CNTNAP3: variants seen among roughly 807,000 people sequenced by gnomAD.
The protein encoded by CNTNAP3 is contactin associated protein family member 3, also known as contactin-associated protein-like 3.
In CNTNAP3, 36 loss-of-function variants were observed where a neutral mutation model predicts 92.1. The observed-to-expected ratio is 0.39, with a 90% CI of 0.30 to 0.52. The LOEUF (loss-of-function observed/expected upper bound fraction) is 0.52, where lower values mean the gene tolerates loss of function less well. Among genes scored for constraint, CNTNAP3 ranks in the 20% least tolerant of loss-of-function variants. The pLI, the probability that CNTNAP3 is intolerant of heterozygous loss-of-function variation, is 0.76. For synonymous variants in CNTNAP3, 232 were observed against 422.3 expected, an observed-to-expected ratio of 0.55 and a Z score of 5.53; for missense variants, 534 against 1,069.6, an observed-to-expected ratio of 0.50 and a Z score of 6.98.
chr9:39,132,190 T>G (rs914215507), intron 13 of CNTNAP3, among the ~76,000 whole-genome samples: 2 of 152,230 alleles, frequency 1.3e-5, no homozygotes, highest in African/African-American at 2.4e-5. Flanking sequence ...TTTCAGTATT[T>G]AACTATAATT....
chr9:39,120,851 A>G (rs1453438979), intron 13 of CNTNAP3, among the ~76,000 whole-genome samples: 1 of 152,198 alleles, frequency 6.6e-6, no homozygotes, highest in African/African-American at 2.4e-5. Context: ...GATAAATGTA[A>G]TAGACTATCC....
intron 9 of CNTNAP3, among the ~76,000 whole-genome samples, chr9:39,157,569 A>G (rs1168735085): frequency 2.1e-5 from 2 of 93,466 alleles, no homozygotes; most frequent in Non-Finnish European, 4.7e-5. Context: ...GATGGTCTCA[A>G]TCTCTTGACC....
At chr9:39,098,382 C>A in intron 18 of CNTNAP3, among the ~76,000 whole-genome samples, 1 of 151,762 alleles carries the variant, frequency 6.6e-6, no homozygotes. Flanking sequence ...TCCACTCTTT[C>A]CATTTCCATA....
At chr9:39,128,100 C>A (rs2315715) in intron 13 of CNTNAP3, among the ~76,000 whole-genome samples, 194 of 152,258 alleles carry the variant, frequency 1.3e-3, no homozygotes, top group African/African-American at 4.5e-3. Context: ...CAGCCTCCCA[C>A]AGTGCTGGGA....
chr9:39,149,157 T>C (rs1295286259), intron 10 of CNTNAP3, among the ~76,000 whole-genome samples: 1 of 152,164 alleles, frequency 6.6e-6, no homozygotes, highest in African/African-American at 2.4e-5. Flanking sequence ...GGCTGATGAA[T>C]AGTAACCTGG....
intron 21 of CNTNAP3, among the ~76,000 whole-genome samples, chr9:39,079,646 T>G (rs1564067366): frequency 7.0e-6 from 1 of 143,108 alleles, no homozygotes; most frequent in Non-Finnish European, 1.5e-5. Flanking sequence ...ATTTTATTTT[T>G]TATCTTACAC....
Position 39,085,995 on chromosome 9 carries a change from T to C in CNTNAP3, c.3355-172A>G, listed in dbSNP as rs1826054317. ...AATCATTTAGAAAGAGAAGCTATTT[T>C]ATAAGCAATTCCTATGATGCCATCA... On this transcript the variant is annotated intron_variant, in intron 20 of 23. Transcript: ENST00000297668. 2.7e-5 allele frequency: 19 copies of C among 707,064 alleles called. No homozygotes were observed. In the South Asian group the frequency reaches 3.5e-4, roughly 13 times the overall value. The allele number at this position is 707,064 out of a possible 1,614,324, so 43.8% of individuals were successfully genotyped here. A position where few individuals can be genotyped will look rare whatever the true frequency, so the allele number is the denominator to read the frequency against.
At chr9:39,117,101 C>A (rs149394213) in intron 14 of CNTNAP3, among the ~76,000 whole-genome samples, 1 of 152,014 alleles carries the variant, frequency 6.6e-6, no homozygotes, top group Non-Finnish European at 1.5e-5. Context: ...AAGCAATTCT[C>A]CTGTCTCACC....
At chr9:39,204,908 T>C (rs1822558257) in intron 3 of CNTNAP3, among the ~76,000 whole-genome samples, 1 of 55,376 alleles carries the variant, frequency 1.8e-5, no homozygotes, top group Non-Finnish European at 2.8e-5. Flanking sequence ...TTTTAACTAA[T>C]TGACTTTTTG....
intron 18 of CNTNAP3, among the ~76,000 whole-genome samples, chr9:39,090,935 T>A (rs2118439835): frequency 6.6e-6 from 1 of 152,334 alleles, no homozygotes; most frequent in Admixed American, 6.5e-5. Context: ...GTTATTCTTT[T>A]TGATGCTATT....
chr9:39,114,132 G>T (rs577950346), intron 14 of CNTNAP3, among the ~76,000 whole-genome samples: 1 of 148,824 alleles, frequency 6.7e-6, no homozygotes, highest in Non-Finnish European at 1.5e-5. Context: ...GCCCAGGCTG[G>T]AGTGCAGTGG....
chr9:39,126,327 G>A (rs1758254), intron 13 of CNTNAP3, among the ~76,000 whole-genome samples: 1 of 151,986 alleles, frequency 6.6e-6, no homozygotes, highest in African/African-American at 2.4e-5. Flanking sequence ...CCAAACAGAA[G>A]GTACCAAGCC....
At chr9:39,128,919 C>G (rs1168806048) in intron 13 of CNTNAP3, among the ~76,000 whole-genome samples, 1 of 151,328 alleles carries the variant, frequency 6.6e-6, no homozygotes, top group African/African-American at 2.4e-5. Flanking sequence ...AAGAAACTAA[C>G]TAAATGCCTA....
At chr9:39,097,907 T>C (rs878927777) in intron 18 of CNTNAP3, among the ~76,000 whole-genome samples, 2 of 151,376 alleles carry the variant, frequency 1.3e-5, no homozygotes, top group East Asian at 2.0e-4. Flanking sequence ...CTAGTTATGC[T>C]TGTTTCGTAT....
chr9:39,081,123 C>A (rs1825922992), intron 21 of CNTNAP3, among the ~76,000 whole-genome samples: 1 of 151,600 alleles, frequency 6.6e-6, no homozygotes, highest in Admixed American at 6.6e-5. Flanking sequence ...GAAAGGCATT[C>A]CTTTGCCCAC....
chr9:39,120,321 G>T (rs571800245), intron 13 of CNTNAP3, among the ~76,000 whole-genome samples: 1 of 152,116 alleles, frequency 6.6e-6, no homozygotes, highest in Non-Finnish European at 1.5e-5. Context: ...TGATAGAAAA[G>T]AATTGTCAAC....
intron 14 of CNTNAP3, among the ~76,000 whole-genome samples, chr9:39,114,081 C>CTTTTT (rs963951891): frequency 7.7e-6 from 1 of 130,302 alleles, no homozygotes; most frequent in Non-Finnish European, 1.6e-5. Flanking sequence ...CACACACATA[C>CTTTTT]TTTTTTTTTT....
At chr9:39,139,282 G>A (rs899937170) in intron 12 of CNTNAP3, among the ~76,000 whole-genome samples, 1 of 151,956 alleles carries the variant, frequency 6.6e-6, no homozygotes, top group Non-Finnish European at 1.5e-5. Context: ...TGTGACTTTG[G>A]TTGAGTCTTT....
At position 39,109,233 on chromosome 9, in the gene CNTNAP3, A is replaced by G. The variant is rs1410806751; in HGVS notation, c.2292T>C (p.Ile764=). 9.9e-6 allele frequency: 16 copies of G among 1,612,688 alleles called. No homozygotes were observed. The highest frequency in any genetic ancestry group is 1.4e-5 in the Non-Finnish European group (16 of 1,179,820). The part of the protein sequence containing the change: ...SQKEHLPVTQ[I]VMTDAGRPHS... ...GTGGTCGGCCTGCGTCTGTCATCAC[A>G]ATCTGAGTGACTGGCAGGTGCTCCT... The change falls in exon 15 of 24, where the codon ATT becomes ATC. Residue 764 remains isoleucine (I), a synonymous_variant. Coordinates refer to ENST00000297668, the MANE Select transcript of CNTNAP3 (RefSeq NM_033655.5).
Sources: allele counts gnomAD v4.1 joint callset (sites outside exome capture counted in the v4.1 genomes callset), GRCh38; gene constraint gnomAD v4.1.1; transcripts MANE v1.5; gene names NCBI Gene and HGNC (gene_info 2026-07-23, HGNC 2026-07-21).